ZSCAN32: variants seen among roughly 807,000 people sequenced by gnomAD.
The protein encoded by ZSCAN32 is zinc finger and SCAN domain-containing protein 32.
Under a neutral mutation model 47.4 loss-of-function variants are expected in ZSCAN32, and 52 were observed. The ratio of observed to expected loss-of-function variants is 1.10; its 90% CI spans 0.88 to 1.38. The LOEUF (loss-of-function observed/expected upper bound fraction) is 1.38, where lower values mean the gene tolerates loss of function less well. Among genes scored for constraint, ZSCAN32 ranks in the 40% most tolerant of loss-of-function variants. The probability of loss-of-function intolerance (pLI) is 0.00; values close to 1 mark genes in which losing one functional copy is unlikely to be tolerated. For missense variants in ZSCAN32, 959 were observed against 846.0 expected (o/e 1.13, Z -1.66); for synonymous variants, 346 against 305.7 (o/e 1.13, Z -1.38).
In ZSCAN32 at chr16:3,383,518, G is replaced by A; in HGVS notation, c.1428C>T (p.Thr476=). 1 of 1,613,906 alleles carries A rather than the reference G, an allele frequency of 6.2e-7. No individual in the cohort carries two copies. Among genetic ancestry groups the A allele is most frequent in the Non-Finnish European group, 8.5e-7 (1 of 1,179,954 alleles). The change falls in exon 7 of 7, where the codon ACC becomes ACT. Residue 476 remains threonine (T), a synonymous_variant. Coordinates refer to ENST00000396852, the MANE Select transcript of ZSCAN32 (RefSeq NM_001284527.2). The part of the protein sequence containing the change: ...RNSPGESEEK[T]PSQEKMSHQS... ...GGTGACTCATCTTCTCCTGGGATGG[G>A]GTTTTCTCCTCACTCTCCCCTGGAG...
At chr16:3,394,826 T>C (rs1264136286) in intron 2 of ZSCAN32, among the ~76,000 whole-genome samples, 5 of 152,072 alleles carry the variant, frequency 3.3e-5, no homozygotes, top group Non-Finnish European at 2.9e-5. Context: ...CACCTTAGGC[T>C]CTTGGTATGT....
At chr16:3,391,717 A>G (rs1159846201) in intron 3 of ZSCAN32, among the ~76,000 whole-genome samples, 1 of 150,334 alleles carries the variant, frequency 6.7e-6, no homozygotes, top group Non-Finnish European at 1.5e-5. Context: ...AAAATCTCTT[A>G]GACAATTTTC....
rs2031473704 is a variant in ZSCAN32 at position 3,383,266 on chromosome 16, C to T, written c.1680G>A (p.Glu560=). The change falls in exon 7 of 7, where the codon GAG becomes GAA. Residue 560 remains glutamate (E), a synonymous_variant. Transcript: ENST00000396852. ...KCSECGKGFS[E]RSNLTAHLRT... ...GTAGGTGGGCAGTGAGGTTGGAGCG[C>T]TCACTAAAGCCCTTCCCGCACTCAC... The T allele has an allele frequency of 1.2e-6, 2 of 1,614,198 alleles. No individual in the cohort carries two copies. Among genetic ancestry groups the T allele is most frequent in the African/African-American group, 1.3e-5 (1 of 75,052 alleles).
chr16:3,393,227 TAAA>T (rs373293116), intron 3 of ZSCAN32, among the ~76,000 whole-genome samples: 8 of 23,684 alleles, frequency 3.4e-4, no homozygotes, highest in South Asian at 1.9e-3. Context: ...TATATATATA[TAAA>T]TTTATATATT....
intron 6 of ZSCAN32, chr16:3,383,975 A>G (rs1806049964): frequency 2.1e-6 from 1 of 484,984 alleles, no homozygotes; most frequent in Non-Finnish European, 3.6e-6. Context: ...GAGGCAAGAC[A>G]TTAAGCACTA....
chr16:3,391,679 CAAA>C (rs71392831), intron 3 of ZSCAN32, among the ~76,000 whole-genome samples: 4 of 65,460 alleles, frequency 6.1e-5, no homozygotes, highest in African/African-American at 1.8e-4. Flanking sequence ...AACTCCATCT[CAAA>C]AAAAAAAAAA....
rs1474609039 is a variant in ZSCAN32 at position 3,393,637 on chromosome 16, GCTT to G, written c.532+9_532+11del. The G allele has an allele frequency of 6.5e-7, 1 of 1,540,306 alleles. No individual in the cohort carries two copies. The highest frequency in any genetic ancestry group is 1.4e-5 in the African/African-American group (1 of 72,642). On this transcript the variant is annotated intron_variant, in intron 3 of 6. Transcript: ENST00000396852. ...TCACCTGCCTCAGGTGAGGACAGAG[GCTT>G]CTGCTTACCTTCTGACTGTTCCCCT...
chr16:3,394,972 C>G (rs2033229724), intron 2 of ZSCAN32, among the ~76,000 whole-genome samples: 1 of 152,202 alleles, frequency 6.6e-6, no homozygotes, highest in African/African-American at 2.4e-5. Flanking sequence ...TCACTCTGCT[C>G]ATTTCCTTCC....
chr16:3,390,675 A>C (rs945561912), intron 3 of ZSCAN32, among the ~76,000 whole-genome samples, 158 bp from the exon 4 acceptor site: 4 of 152,140 alleles, frequency 2.6e-5, no homozygotes, highest in Non-Finnish European at 5.9e-5. Flanking sequence ...TCTGAATCGG[A>C]AATTCTGGAG....
In ZSCAN32 at chr16:3,384,767, T is replaced by G; in HGVS notation, c.926A>C (p.Lys309Thr). The part of the protein sequence containing the change: ...FLRTPEQCRT[K>T]FKSLQLSYRK... ...GTAACTCAACTGTAGGCTTTTGAAC[T>G]TGGTGCGACACTGTTCTGGGGTCCG... is the stretch of plus-strand genomic sequence containing the variant. The change falls in exon 6 of 7, where the codon AAG (lysine) becomes ACG (threonine). Residue 309 changes from lysine (K) to threonine (T), a missense_variant. Lys to Thr is a moderately conservative substitution (Grantham distance 78). Transcript: ENST00000396852. The G allele has an allele frequency of 6.2e-7, 1 of 1,614,196 alleles. No homozygotes were observed. Among genetic ancestry groups the G allele is most frequent in the Non-Finnish European group, 8.5e-7 (1 of 1,180,030 alleles).
intron 2 of ZSCAN32, among the ~76,000 whole-genome samples, chr16:3,394,399 C>G (rs921908705): frequency 6.6e-6 from 1 of 152,172 alleles, no homozygotes; most frequent in Non-Finnish European, 1.5e-5. Context: ...TTCACTTTAG[C>G]AAACCCCCAT....
At chr16:3,385,780 T>C (rs369284561) in intron 5 of ZSCAN32, among the ~76,000 whole-genome samples, 6,650 of 152,252 alleles carry the variant, frequency 0.044, 197 homozygotes, top group Middle Eastern at 0.061. Flanking sequence ...TTACACCTTA[T>C]ACAAAAATTA....
chr16:3,389,666 GT>G (rs1322310348), intron 5 of ZSCAN32, among the ~76,000 whole-genome samples: 1 of 152,186 alleles, frequency 6.6e-6, no homozygotes, highest in Non-Finnish European at 1.5e-5. Flanking sequence ...TGCTACCTGT[GT>G]GCATGAGCGC....
chr16:3,388,205 GTT>G (rs934038159), intron 5 of ZSCAN32, among the ~76,000 whole-genome samples: 3 of 152,168 alleles, frequency 2.0e-5, no homozygotes, highest in African/African-American at 7.2e-5. Context: ...TTCTGAGCTC[GTT>G]TTCTCATTAC....
intron 2 of ZSCAN32, 128 bp downstream of exon 2, chr16:3,397,064 A>G: frequency 1.6e-6 from 2 of 1,220,314 alleles, no homozygotes; most frequent in Non-Finnish European, 2.2e-6. Flanking sequence ...GACCAATCCA[A>G]GACAGCCAAG....
At chr16:3,396,888 C>G (rs762925628) in intron 2 of ZSCAN32, among the ~76,000 whole-genome samples, 2 of 152,202 alleles carry the variant, frequency 1.3e-5, no homozygotes, top group African/African-American at 2.4e-5. Context: ...TAGTTTTCCT[C>G]CATCCCCTGA....
chr16:3,382,269 G>A lies in ZSCAN32; in HGVS notation c.*583C>T, dbSNP rs2031312296. On this transcript the variant is annotated 3_prime_UTR_variant, in exon 7 of 7. Coordinates refer to ENST00000396852, the MANE Select transcript of ZSCAN32 (RefSeq NM_001284527.2). ...CTTACAAAAAATTAACCTGGATGTT[G>A]TGCTTGCTCTAAGGTTAAGTCACTT... The A allele has an allele frequency of 6.6e-6, 1 of 152,190 alleles. No homozygotes were observed. Among genetic ancestry groups the A allele is most frequent in the African/African-American group, 2.4e-5 (1 of 41,438 alleles). 9.4% of individuals were successfully genotyped at this position (152,190 alleles called of 1,614,324 possible).
In ZSCAN32 at chr16:3,382,765, G is replaced by T; in HGVS notation, c.*87C>A. 1 of 1,502,554 alleles carries T rather than the reference G, an allele frequency of 6.7e-7. No individual in the cohort carries two copies. 93.1% of individuals were successfully genotyped at this position (1,502,554 alleles called of 1,614,324 possible). On this transcript the variant is annotated 3_prime_UTR_variant, in exon 7 of 7. Transcript: ENST00000396852. ...CAGTAGTCAGTAGGTCTGTTGCAAA[G>T]TCAGGGACTGGCTAGATCTCTCCAC...
chr16:3,397,338 C>T lies in ZSCAN32; in HGVS notation c.220G>A (p.Glu74Lys). 1 of 1,563,752 alleles carries T rather than the reference C, an allele frequency of 6.4e-7. No individual in the cohort carries two copies. Among genetic ancestry groups the T allele is most frequent in the South Asian group, 1.2e-5 (1 of 85,082 alleles). ...QWLRPKTHSK[E>K]EILELLVLEQ... ...AAAACCAGCAGCTCCAGGATTTCCT[C>T]TTTTGAGTGGGTCTTCGGCCTCAGC... Residue 74 changes from glutamate (E) to lysine (K), a missense_variant, in exon 2 of 7, where the codon GAG (glutamate) becomes AAG (lysine). Coordinates refer to ENST00000396852, the MANE Select transcript of ZSCAN32 (RefSeq NM_001284527.2).
Sources: gnomAD v4.1 joint callset for allele counts (sites outside exome capture counted in the v4.1 genomes callset) on GRCh38, gnomAD v4.1.1 for gene constraint, MANE v1.5 for transcripts, NCBI Gene and HGNC (gene_info 2026-07-23, HGNC 2026-07-21) for gene names.